The following GPHN variants were observed in gnomAD, a reference collection of about 807,000 sequenced individuals.
The protein encoded by GPHN is gephyrin.
Under a neutral mutation model 95.5 loss-of-function variants are expected in GPHN, and 17 were observed. The observed-to-expected ratio is 0.18, with a 90% CI of 0.12 to 0.27. The LOEUF (loss-of-function observed/expected upper bound fraction) is 0.27, where lower values mean the gene tolerates loss of function less well. Ranked by LOEUF, GPHN falls within the 10% of genes least tolerant of loss-of-function variation. The pLI is 1.00. For missense variants in GPHN, 660 were observed against 978.1 expected, an observed-to-expected ratio of 0.67 and a Z score of 4.34; for synonymous variants, 320 against 322.5, an observed-to-expected ratio of 0.99 and a Z score of 0.08.
chr14:67,358,506 A>G, the GPHN span, among the ~76,000 whole-genome samples: 1 of 152,242 alleles, frequency 6.6e-6, no homozygotes, highest in Admixed American at 6.5e-5. Context: ...TCTAAATGTC[A>G]GGGTCAAAAC....
chr14:67,056,346 T>C (rs1007439736), intron 10 of GPHN, among the ~76,000 whole-genome samples: 2 of 151,970 alleles, frequency 1.3e-5, no homozygotes, highest in African/African-American at 4.8e-5. Context: ...AGAGCACTGA[T>C]TGGTGCATTT....
chr14:67,466,735 G>A, the GPHN span, among the ~76,000 whole-genome samples: 2 of 152,104 alleles, frequency 1.3e-5, no homozygotes, highest in African/African-American at 4.8e-5. Context: ...GCTCACCCCT[G>A]TAATCTCAAC....
the GPHN span, among the ~76,000 whole-genome samples, chr14:67,289,117 C>T: frequency 6.9e-6 from 1 of 145,798 alleles, no homozygotes; most frequent in Non-Finnish European, 1.5e-5. Flanking sequence ...CAGGAGCACA[C>T]CGCCATAACT....
At chr14:66,758,151 T>A (rs2153451375) in intron 2 of GPHN, among the ~76,000 whole-genome samples, 1 of 152,204 alleles carries the variant, frequency 6.6e-6, no homozygotes, top group African/African-American at 2.4e-5. Context: ...ATATATAAAG[T>A]AGGTGAAGGT....
intron 8 of GPHN, among the ~76,000 whole-genome samples, chr14:66,932,676 G>A (rs1296913070): frequency 4.0e-5 from 6 of 150,974 alleles, no homozygotes; most frequent in Non-Finnish European, 8.8e-5. Flanking sequence ...TAGGCTCAGG[G>A]CAGCTACCGC....
chr14:67,622,973 G>A, the GPHN span, among the ~76,000 whole-genome samples: 5 of 152,112 alleles, frequency 3.3e-5, no homozygotes, highest in African/African-American at 1.2e-4. Context: ...TCCAACCCAG[G>A]GGAAGCCATT....
At chr14:67,307,238 C>T in the GPHN span, among the ~76,000 whole-genome samples, 17 of 151,904 alleles carry the variant, frequency 1.1e-4, no homozygotes, top group East Asian at 3.3e-3. Context: ...TTCCTTCTCT[C>T]GGCCTTTTTA....
chr14:67,555,988 T>C, the GPHN span: 2 of 1,421,398 alleles, frequency 1.4e-6, no homozygotes, highest in African/African-American at 2.8e-5. Context: ...TCACCAGCAG[T>C]ACTGTGTTAT....
chr14:67,199,178 A>C, the GPHN span: 1 of 1,604,232 alleles, frequency 6.2e-7, no homozygotes, highest in Non-Finnish European at 8.5e-7. Flanking sequence ...CTGGACCAGT[A>C]GTCAACACCC....
At chr14:66,912,248 C>T (rs998321212) in intron 5 of GPHN, among the ~76,000 whole-genome samples, 5 of 152,008 alleles carry the variant, frequency 3.3e-5, no homozygotes, top group Admixed American at 6.6e-5. Context: ...TTTGTACATG[C>T]CCTTTTCTCT....
At chr14:67,409,411 T>C in the GPHN span, among the ~76,000 whole-genome samples, 1 of 152,174 alleles carries the variant, frequency 6.6e-6, no homozygotes, top group African/African-American at 2.4e-5. Context: ...AATAACTCTT[T>C]GTTATAAAGC....
At chr14:67,437,094 G>A in the GPHN span, among the ~76,000 whole-genome samples, 1 of 152,128 alleles carries the variant, frequency 6.6e-6, no homozygotes, top group Non-Finnish European at 1.5e-5. Context: ...AAGGCACCTG[G>A]CAGATGGCTG....
chr14:67,183,935 C>A (rs2083355217), downstream of GPHN, among the ~76,000 whole-genome samples: 1 of 152,030 alleles, frequency 6.6e-6, no homozygotes, highest in Non-Finnish European at 1.5e-5. Context: ...TCACTGCAGC[C>A]TTGACCTCCC....
At chr14:67,679,826 A>G in the GPHN span, among the ~76,000 whole-genome samples, 317 of 152,202 alleles carry the variant, frequency 2.1e-3, 2 homozygotes, top group Admixed American at 5.1e-3. Flanking sequence ...TCAAAGTTTT[A>G]AAAAAAATGA....
At chr14:67,103,396 T>C (rs1487770652) in intron 13 of GPHN, among the ~76,000 whole-genome samples, 1 of 152,146 alleles carries the variant, frequency 6.6e-6, no homozygotes, top group Non-Finnish European at 1.5e-5. Flanking sequence ...GTGAAGATTG[T>C]CATTGGTATT....
At chr14:67,233,227 T>G in the GPHN span, among the ~76,000 whole-genome samples, 2 of 152,020 alleles carry the variant, frequency 1.3e-5, no homozygotes, top group East Asian at 3.9e-4. Context: ...CTGCAACATC[T>G]GCCTCCCAGG....
At chr14:66,879,510 A>G (rs566046269) in intron 4 of GPHN, among the ~76,000 whole-genome samples, 2 of 152,186 alleles carry the variant, frequency 1.3e-5, no homozygotes, top group South Asian at 2.1e-4. Flanking sequence ...TTATAAAAGC[A>G]TAGAGCTAGG....
chr14:67,729,489 A>G, the GPHN span: 1 of 1,135,854 alleles, frequency 8.8e-7, no homozygotes, highest in Non-Finnish European at 1.3e-6. Context: ...GATGCAATCC[A>G]GGTTTGGGTT....
the GPHN span, chr14:67,572,375 A>T: frequency 1.3e-5 from 5 of 373,134 alleles, no homozygotes; most frequent in Non-Finnish European, 1.9e-5. Flanking sequence ...GCCTGAAGTG[A>T]GGGGTCCCTA....
Sources: allele counts gnomAD v4.1 joint callset (sites outside exome capture counted in the v4.1 genomes callset), GRCh38; gene constraint gnomAD v4.1.1; transcripts MANE v1.5; gene names NCBI Gene and HGNC (gene_info 2026-07-23, HGNC 2026-07-21).